EVA1A: variants seen among roughly 807,000 people sequenced by gnomAD.
EVA1A encodes eva-1 homolog A, regulator of programmed cell death.
Under a neutral mutation model 9.8 loss-of-function variants are expected in EVA1A, and 7 were observed. The observed-to-expected ratio is 0.71, with a 90% CI of 0.41 to 1.34. The LOEUF is 1.34. EVA1A is among the 40% of genes most tolerant of loss of function. EVA1A has a pLI of 0.01. For synonymous variants in EVA1A, 90 were observed against 85.6 expected (o/e 1.05, Z -0.28); for missense variants, 206 against 205.9 (o/e 1.00, Z 0.00).
At chr2:75,509,557 A>C (rs940930997) in intron 3 of EVA1A, among the ~76,000 whole-genome samples, 11 of 152,194 alleles carry the variant, frequency 7.2e-5, no homozygotes, top group African/African-American at 2.7e-4. Flanking sequence ...AAATGCTCCT[A>C]TAGATAGCAT....
At chr2:75,495,510 G>T (rs1167861570) in intron 3 of EVA1A, among the ~76,000 whole-genome samples, 1 of 152,204 alleles carries the variant, frequency 6.6e-6, no homozygotes, top group African/African-American at 2.4e-5. Context: ...ATGGCATTAA[G>T]TTGTGTTTTC....
intron 1 of EVA1A, among the ~76,000 whole-genome samples, chr2:75,544,626 A>C (rs1676262788): frequency 6.6e-6 from 1 of 152,252 alleles, no homozygotes; most frequent in South Asian, 2.1e-4. Context: ...TTCTGAAAAA[A>C]AAATTAACAA....
chr2:75,503,078 T>A (rs921602912), intron 3 of EVA1A, among the ~76,000 whole-genome samples: 2 of 152,132 alleles, frequency 1.3e-5, no homozygotes, highest in Non-Finnish European at 2.9e-5. Context: ...GTCTCTAGCA[T>A]CCGGATGTGG....
intron 1 of EVA1A, among the ~76,000 whole-genome samples, chr2:75,551,253 A>G (rs1356725349): frequency 6.6e-6 from 1 of 152,224 alleles, no homozygotes; most frequent in Non-Finnish European, 1.5e-5. Flanking sequence ...ACAAGCCTCT[A>G]AAAACAATTG....
At chr2:75,515,032 C>G (rs1169465093) in intron 3 of EVA1A, among the ~76,000 whole-genome samples, 1 of 152,194 alleles carries the variant, frequency 6.6e-6, no homozygotes, top group African/African-American at 2.4e-5. Context: ...AATCGCATTG[C>G]AGTTTCCATT....
chr2:75,511,292 A>C (rs1674802585), intron 3 of EVA1A, among the ~76,000 whole-genome samples: 1 of 152,114 alleles, frequency 6.6e-6, no homozygotes, highest in Non-Finnish European at 1.5e-5. Context: ...TGGGGCACTT[A>C]CTCTACAACA....
chr2:75,525,854 C>G (rs1018817273), intron 1 of EVA1A, among the ~76,000 whole-genome samples: 6 of 152,206 alleles, frequency 3.9e-5, no homozygotes, highest in Non-Finnish European at 5.9e-5. Context: ...CAGCAGGGCT[C>G]TAACACAGAG....
At position 75,515,867 on chromosome 2, in the gene EVA1A, A is replaced by T. The variant is rs568581865; in HGVS notation, c.85+2189T>A. Among the ~76,000 whole-genome samples, 4 of 152,308 alleles carry T rather than the reference A, an allele frequency of 2.6e-5. No homozygotes were observed. In the South Asian group the frequency reaches 8.3e-4, roughly 32 times the overall value. Reference sequence around the variant, plus strand: ...CCCACAAGGTTACCAAGCACCTTAGACACCCCCCTAACAAAGAACACACAC... The same window carrying T: ...CCCACAAGGTTACCAAGCACCTTAGTCACCCCCCTAACAAAGAACACACAC... On this transcript the variant is annotated intron_variant, in intron 3 of 3. Coordinates refer to ENST00000393913, the MANE Select transcript of EVA1A (RefSeq NM_001135032.2).
At chr2:75,563,169 C>A (rs1676958502), upstream of EVA1A, among the ~76,000 whole-genome samples, 1 of 152,194 alleles carries the variant, frequency 6.6e-6, no homozygotes, top group South Asian at 2.1e-4. Flanking sequence ...TACTGTTGAA[C>A]CCCCTACACT....
At chr2:75,539,523 A>AT (rs1430078462) in intron 1 of EVA1A, among the ~76,000 whole-genome samples, 1 of 152,228 alleles carries the variant, frequency 6.6e-6, no homozygotes, top group Non-Finnish European at 1.5e-5. Context: ...AAGTAAAGAA[A>AT]TAGACACTGC....
upstream of EVA1A, among the ~76,000 whole-genome samples, chr2:75,562,759 C>T (rs559813420): frequency 9.2e-5 from 14 of 152,186 alleles, no homozygotes; most frequent in Admixed American, 3.3e-4. Context: ...TGATGAGAAG[C>T]GGGGTTTCCT....
intron 1 of EVA1A, among the ~76,000 whole-genome samples, chr2:75,555,422 C>G (rs900629988): frequency 6.6e-6 from 1 of 151,138 alleles, no homozygotes; most frequent in Admixed American, 6.6e-5. Context: ...TTCATACAGA[C>G]TTTTGGATGC....
chr2:75,543,172 G>A (rs1432039997), intron 1 of EVA1A, among the ~76,000 whole-genome samples: 1 of 152,140 alleles, frequency 6.6e-6, no homozygotes, highest in African/African-American at 2.4e-5. Flanking sequence ...AATCCTGTAT[G>A]GCTTTTTTTT....
intron 3 of EVA1A, among the ~76,000 whole-genome samples, chr2:75,512,800 C>G (rs964363421): frequency 2.0e-5 from 3 of 152,168 alleles, no homozygotes; most frequent in Non-Finnish European, 2.9e-5. Context: ...GATGCTTCTC[C>G]ACCCATTAGA....
intron 3 of EVA1A, among the ~76,000 whole-genome samples, chr2:75,498,866 C>T (rs531417694): frequency 1.9e-4 from 29 of 151,752 alleles, no homozygotes; most frequent in African/African-American, 4.8e-4. Flanking sequence ...CATATTCCTA[C>T]GCCAGATGCT....
intron 1 of EVA1A, among the ~76,000 whole-genome samples, chr2:75,530,393 A>G (rs988349291): frequency 2.6e-5 from 4 of 152,182 alleles, no homozygotes; most frequent in Non-Finnish European, 5.9e-5. Flanking sequence ...TCCTTTTGAA[A>G]TCATTCTATG....
intron 3 of EVA1A, among the ~76,000 whole-genome samples, chr2:75,500,705 T>G (rs1026910133): frequency 2.6e-4 from 39 of 151,946 alleles, no homozygotes; most frequent in African/African-American, 8.9e-4. Context: ...TCTCTCTCTA[T>G]CCCTTTCTTT....
exon 1 of EVA1A, chr2:75,569,559 T>C (rs755059041): frequency 3.3e-5 from 5 of 152,256 alleles, no homozygotes; most frequent in Non-Finnish European, 7.3e-5. Flanking sequence ...CTAAAATGCT[T>C]CAGGGGTTGC....
chr2:75,547,680 A>G (rs1676380834), intron 1 of EVA1A, among the ~76,000 whole-genome samples: 1 of 152,124 alleles, frequency 6.6e-6, no homozygotes, highest in Non-Finnish European at 1.5e-5. Context: ...GCACACCACA[A>G]ACCATTTCTC....
Sources: allele counts gnomAD v4.1 joint callset (sites outside exome capture counted in the v4.1 genomes callset), GRCh38; gene constraint gnomAD v4.1.1; transcripts MANE v1.5; gene names NCBI Gene and HGNC (gene_info 2026-07-23, HGNC 2026-07-21).